Variants in PIGK observed in about 807,000 individuals in gnomAD.
The protein encoded by PIGK is GPI-anchor transamidase.
A neutral mutation model predicts 50.6 loss-of-function variants in PIGK; 42 were observed. That is an observed-to-expected ratio of 0.83 (90% CI 0.65 to 1.07). PIGK has a LOEUF of 1.07. Ranked by LOEUF, PIGK falls within the 50% of genes least tolerant of loss-of-function variation. The pLI, the probability that PIGK is intolerant of heterozygous loss-of-function variation, is 0.00. For missense variants in PIGK, 448 were observed against 488.7 expected, an observed-to-expected ratio of 0.92 and a Z score of 0.78; for synonymous variants, 151 against 156.0, an observed-to-expected ratio of 0.97 and a Z score of 0.24.
intron 10 of PIGK, among the ~76,000 whole-genome samples, chr1:77,098,459 T>G (rs1375883638): frequency 6.6e-6 from 1 of 151,764 alleles, no homozygotes; most frequent in African/African-American, 2.4e-5. Context: ...AACACCTCCC[T>G]CAAGTAGCTG....
chr1:77,101,956 ATGGTGCCACTGCACTCCAGCC>A (rs1450630126), intron 10 of PIGK, among the ~76,000 whole-genome samples: 2 of 152,200 alleles, frequency 1.3e-5, no homozygotes, highest in African/African-American at 4.8e-5. Flanking sequence ...GTGAGCTGAG[ATGGTGCCACTGCACTCCAGCC>A]TGGCGACAGA....
At chr1:77,120,885 T>C (rs1216227928) in intron 10 of PIGK, among the ~76,000 whole-genome samples, 1 of 152,216 alleles carries the variant, frequency 6.6e-6, no homozygotes, top group Non-Finnish European at 1.5e-5. Context: ...AATCACAATC[T>C]AAAATTTTCA....
At chr1:77,193,008 C>G (rs1655945269) in intron 3 of PIGK, among the ~76,000 whole-genome samples, 1 of 152,114 alleles carries the variant, frequency 6.6e-6, no homozygotes, top group East Asian at 1.9e-4. Flanking sequence ...AGTTAACAGA[C>G]AGATGTAAGG....
intron 3 of PIGK, among the ~76,000 whole-genome samples, chr1:77,203,806 G>T (rs1201913279): frequency 2.0e-5 from 3 of 152,076 alleles, no homozygotes; most frequent in African/African-American, 4.8e-5. Flanking sequence ...CATAAATTGT[G>T]AAGATTTCAT....
intron 9 of PIGK, among the ~76,000 whole-genome samples, chr1:77,150,202 T>A (rs1364651454): frequency 1.3e-5 from 2 of 151,364 alleles, no homozygotes; most frequent in Non-Finnish European, 2.9e-5. Context: ...GCAAAACAAA[T>A]CCAAAATTAG....
At chr1:77,180,731 A>G (rs553095453) in intron 3 of PIGK, among the ~76,000 whole-genome samples, 214 of 151,890 alleles carry the variant, frequency 1.4e-3, no homozygotes, top group African/African-American at 5.0e-3. Context: ...GGGGGCTTCC[A>G]GGTCATAGGT....
intron 9 of PIGK, among the ~76,000 whole-genome samples, chr1:77,146,975 G>A (rs991563024): frequency 6.6e-6 from 1 of 152,012 alleles, no homozygotes; most frequent in Admixed American, 6.6e-5. Flanking sequence ...GGAAAGAAGG[G>A]AGAGACAGGA....
At chr1:77,195,553 G>T (rs1276974871) in intron 3 of PIGK, among the ~76,000 whole-genome samples, 1 of 152,150 alleles carries the variant, frequency 6.6e-6, no homozygotes, top group African/African-American at 2.4e-5. Context: ...CAACTCAAAA[G>T]TAGTTCTAGA....
intron 10 of PIGK, among the ~76,000 whole-genome samples, chr1:77,118,349 C>T (rs1654024061): frequency 6.6e-6 from 1 of 151,968 alleles, no homozygotes; most frequent in African/African-American, 2.4e-5. Flanking sequence ...AGGGTATCCT[C>T]CTGCCTCATC....
intron 3 of PIGK, among the ~76,000 whole-genome samples, chr1:77,180,752 C>A (rs969475349): frequency 2.7e-4 from 41 of 152,062 alleles, no homozygotes; most frequent in African/African-American, 9.6e-4. Flanking sequence ...AGATAAGAGA[C>A]AAATGGTTGC....
At chr1:77,188,178 TA>T in intron 3 of PIGK, among the ~76,000 whole-genome samples, 1 of 152,122 alleles carries the variant, frequency 6.6e-6, no homozygotes, top group South Asian at 2.1e-4. Context: ...GAGATAACCT[TA>T]AACTCTGACC....
At chr1:77,158,011 T>G (rs959399076) in intron 8 of PIGK, among the ~76,000 whole-genome samples, 11 of 152,014 alleles carry the variant, frequency 7.2e-5, no homozygotes, top group African/African-American at 2.7e-4. Context: ...TTTTGTTATT[T>G]TTGTTTGTTT....
At chr1:77,139,892 C>T (rs1322692438) in intron 9 of PIGK, among the ~76,000 whole-genome samples, 1 of 152,172 alleles carries the variant, frequency 6.6e-6, no homozygotes, top group Non-Finnish European at 1.5e-5. Flanking sequence ...TCCCTCTAAA[C>T]TCATTTACAT....
chr1:77,175,561 T>C (rs1022207984), intron 3 of PIGK, among the ~76,000 whole-genome samples: 76 of 152,178 alleles, frequency 5.0e-4, no homozygotes, highest in African/African-American at 1.8e-3. Context: ...GTAAAATTTG[T>C]TTTTGGTAAA....
At chr1:77,096,819 C>T (rs1424581646) in intron 10 of PIGK, among the ~76,000 whole-genome samples, 1 of 151,610 alleles carries the variant, frequency 6.6e-6, no homozygotes, top group African/African-American at 2.4e-5. Context: ...AAACCCTGAT[C>T]CTTTATCACC....
chr1:77,143,868 T>C (rs1654710080), intron 9 of PIGK, among the ~76,000 whole-genome samples: 1 of 152,124 alleles, frequency 6.6e-6, no homozygotes, highest in Admixed American at 6.5e-5. Flanking sequence ...CTAGCAATAA[T>C]TAATTTTTAT....
At chr1:77,186,666 G>A (rs1351442062) in intron 3 of PIGK, among the ~76,000 whole-genome samples, 1 of 152,150 alleles carries the variant, frequency 6.6e-6, no homozygotes, top group Non-Finnish European at 1.5e-5. Flanking sequence ...CACTCAGCCT[G>A]TTTCCCCAGT....
intron 3 of PIGK, among the ~76,000 whole-genome samples, chr1:77,190,871 T>C (rs972361097): frequency 6.6e-6 from 1 of 152,138 alleles, no homozygotes; most frequent in Non-Finnish European, 1.5e-5. Flanking sequence ...GCCTACACCT[T>C]AAATCTTCAC....
At chr1:77,161,531 T>C (rs971850998) in intron 7 of PIGK, 63 bp downstream of exon 7, 7 of 964,178 alleles carry the variant, frequency 7.3e-6, no homozygotes, top group African/African-American at 6.4e-5. Flanking sequence ...AAGCATTTAA[T>C]TGGTTTCAGA....
Sources: allele counts gnomAD v4.1 joint callset (sites outside exome capture counted in the v4.1 genomes callset), GRCh38; gene constraint gnomAD v4.1.1; transcripts MANE v1.5; gene names NCBI Gene and HGNC (gene_info 2026-07-23, HGNC 2026-07-21).